The following CPNE3 variants were observed in gnomAD, a reference collection of about 807,000 sequenced individuals.
The protein encoded by CPNE3 is copine-3.
Under a neutral mutation model 63.9 loss-of-function variants are expected in CPNE3, and 68 were observed. That is an observed-to-expected ratio of 1.06 (90% confidence interval 0.87 to 1.30). CPNE3 has a LOEUF of 1.30. Among genes scored for constraint, CPNE3 ranks in the 50% most tolerant of loss-of-function variants. The probability of loss-of-function intolerance (pLI) is 0.00; values close to 1 mark genes in which losing one functional copy is unlikely to be tolerated. For missense variants in CPNE3, 665 were observed against 578.1 expected (o/e 1.15, Z -1.54); for synonymous variants, 219 against 197.5 (o/e 1.11, Z -0.91).
intron 5 of CPNE3, among the ~76,000 whole-genome samples, chr8:86,532,056 A>G (rs1288379117): frequency 6.6e-6 from 1 of 152,216 alleles, no homozygotes; most frequent in Non-Finnish European, 1.5e-5. Context: ...GTTGTAGGGC[A>G]TGATAGACTG....
At chr8:86,517,262 G>A (rs1259827820) in intron 2 of CPNE3, among the ~76,000 whole-genome samples, 2 of 152,004 alleles carry the variant, frequency 1.3e-5, no homozygotes, top group African/African-American at 4.8e-5. Flanking sequence ...TAGGTGGATA[G>A]CATATTAGTA....
intron 2 of CPNE3, among the ~76,000 whole-genome samples, chr8:86,522,307 C>T (rs531174890): frequency 2.0e-5 from 3 of 152,106 alleles, no homozygotes; most frequent in Non-Finnish European, 2.9e-5. Flanking sequence ...TTGCCTCCCC[C>T]AACCCTCACT....
intron 2 of CPNE3, among the ~76,000 whole-genome samples, chr8:86,518,702 T>TA (rs1419577889): frequency 1.3e-5 from 2 of 152,232 alleles, no homozygotes; most frequent in Non-Finnish European, 2.9e-5. Context: ...TTTAACTTTT[T>TA]AACTTTAATT....
intron 9 of CPNE3, among the ~76,000 whole-genome samples, chr8:86,545,992 A>G: frequency 6.6e-6 from 1 of 152,150 alleles, no homozygotes; most frequent in South Asian, 2.1e-4. Flanking sequence ...GCCAAGCCCT[A>G]AAGATGGATA....
At position 86,558,288 on chromosome 8, in the gene CPNE3, G is replaced by C; in HGVS notation, c.1492G>C (p.Ala498Pro). 2.3e-6 allele frequency: 2 copies of C among 872,850 alleles called. No individual in the cohort carries two copies. The allele number at this position is 872,850 out of a possible 1,614,324, so 54.1% of individuals were successfully genotyped here. A position where few individuals can be genotyped will look rare whatever the true frequency, so the allele number is the denominator to read the frequency against. The part of the protein sequence containing the change: ...QFVPFRQFQN[A>P]PKEALAQCVL... ...TCACTTTTATTTTGTTTTTCACAAG[G>C]CTCCAAAAGAAGCACTTGCTCAGTG... The change falls in exon 17 of 17, where the codon GCT becomes CCT. Residue 498 changes from alanine to proline, a missense_variant and splice_region_variant. By Grantham distance (27) the Ala-to-Pro change is conservative (BLOSUM62 -1). Coordinates refer to ENST00000517490, the MANE Select transcript of CPNE3 (RefSeq NM_003909.5).
chr8:86,526,801 C>T (rs1820550769), intron 2 of CPNE3, among the ~76,000 whole-genome samples: 1 of 152,140 alleles, frequency 6.6e-6, no homozygotes, highest in Non-Finnish European at 1.5e-5. Context: ...TGTGAGCTGC[C>T]GTGCCCGGCC....
chr8:86,534,015 A>T (rs1039584939), intron 6 of CPNE3, among the ~76,000 whole-genome samples: 2 of 152,096 alleles, frequency 1.3e-5, no homozygotes, highest in South Asian at 4.2e-4. Flanking sequence ...AGTCCCAGCT[A>T]CTCAGGAGAC....
intron 15 of CPNE3, among the ~76,000 whole-genome samples, chr8:86,555,469 A>G (rs1003907170): frequency 2.6e-5 from 4 of 152,226 alleles, no homozygotes; most frequent in African/African-American, 9.6e-5. Context: ...TAGATAATTC[A>G]TATAAAGTAC....
chr8:86,546,113 T>A (rs1351590872), intron 9 of CPNE3, among the ~76,000 whole-genome samples: 1 of 152,150 alleles, frequency 6.6e-6, no homozygotes, highest in Non-Finnish European at 1.5e-5. Flanking sequence ...AGAAGATCTT[T>A]GATGCATATT....
chr8:86,558,398 A>G lies in CPNE3; in HGVS notation c.1602A>G (p.Gln534=). The change falls in exon 17 of 17, where the codon CAA becomes CAG. Residue 534 remains glutamine, a synonymous_variant. Transcript: ENST00000517490. ...CTCCCAAGAACCCAGCCACGAAACA[A>G]CAGAAGCAGTGACCACTTCAACAGA... The part of the protein sequence containing the change: ...LLPPKNPATK[Q]QKQ The G allele has an allele frequency of 2.3e-6, 2 of 872,964 alleles. No individual in the cohort carries two copies. Among genetic ancestry groups the G allele is most frequent in the East Asian group, 2.4e-5 (1 of 41,694 alleles). The allele number at this position is 872,964 out of a possible 1,614,324, so 54.1% of individuals were successfully genotyped here. A position where few individuals can be genotyped will look rare whatever the true frequency, so the allele number is the denominator to read the frequency against.
intron 2 of CPNE3, among the ~76,000 whole-genome samples, chr8:86,520,872 C>T (rs1311003001): frequency 6.6e-6 from 1 of 152,022 alleles, no homozygotes; most frequent in Non-Finnish European, 1.5e-5. Context: ...AGGCTGGTCT[C>T]AAACTCCTGA....
Position 86,559,449 on chromosome 8 carries a change from C to T in CPNE3, c.*1039C>T, listed in dbSNP as rs1490467329. On this transcript the variant is annotated 3_prime_UTR_variant, in exon 17 of 17. Coordinates refer to ENST00000517490, the MANE Select transcript of CPNE3 (RefSeq NM_003909.5). ...TTCTCCTTTTTTTAAGAACCATTTT[C>T]ATCTGATTTTTAAACTCACGATACC... 2 of 152,070 alleles carry T rather than the reference C, an allele frequency of 1.3e-5. No individual in the cohort carries two copies. Among genetic ancestry groups the T allele is most frequent in the Non-Finnish European group, 2.9e-5 (2 of 68,014 alleles). The allele number at this position is 152,070 out of a possible 1,614,324, so 9.4% of individuals were successfully genotyped here. A position where few individuals can be genotyped will look rare whatever the true frequency, so the allele number is the denominator to read the frequency against.
At chr8:86,526,427 A>G (rs1040357774) in intron 2 of CPNE3, among the ~76,000 whole-genome samples, 20 of 152,144 alleles carry the variant, frequency 1.3e-4, no homozygotes, top group Non-Finnish European at 2.1e-4. Flanking sequence ...CTAGAGGCAG[A>G]TAGTGATAAA....
chr8:86,555,077 A>C (rs3816240), intron 15 of CPNE3, 93 bp downstream of exon 15: 1,083,667 of 1,543,934 alleles, frequency 0.7, 389,415 homozygotes, highest in Non-Finnish European at 0.74. Context: ...CATAATACAA[A>C]GTCAGGGCAA....
At chr8:86,540,845 A>G (rs769258282) in intron 8 of CPNE3, among the ~76,000 whole-genome samples, 4 of 152,218 alleles carry the variant, frequency 2.6e-5, no homozygotes, top group Non-Finnish European at 2.9e-5. Flanking sequence ...TTAGAGTATC[A>G]GGGAAGTGGA....
intron 12 of CPNE3, 124 bp downstream of exon 12, chr8:86,548,558 C>T (rs1821105646): frequency 8.3e-7 from 1 of 1,207,374 alleles, no homozygotes; most frequent in Non-Finnish European, 1.2e-6. Flanking sequence ...CCTAAAATCC[C>T]CCCGTCTTAT....
chr8:86,551,002 T>A, intron 12 of CPNE3, 44 bp from the exon 13 acceptor site: 1 of 1,502,334 alleles, frequency 6.7e-7, no homozygotes, highest in Non-Finnish European at 8.9e-7. Flanking sequence ...AAGCTTTTTA[T>A]TTTGGAAAAA....
chr8:86,557,418 G>C (rs1161900576), intron 16 of CPNE3, among the ~76,000 whole-genome samples: 1 of 152,192 alleles, frequency 6.6e-6, no homozygotes, highest in Admixed American at 6.5e-5. Flanking sequence ...TTACAGCCGT[G>C]TGCCACCGCA....
chr8:86,515,343 G>A (rs1820270630), intron 1 of CPNE3, 119 bp from the exon 2 acceptor site: 1 of 152,218 alleles, frequency 6.6e-6, no homozygotes, highest in African/African-American at 2.4e-5. Flanking sequence ...GGGCGGGATT[G>A]AATATTGTGA....
Sources: allele counts gnomAD v4.1 joint callset (sites outside exome capture counted in the v4.1 genomes callset), GRCh38; gene constraint gnomAD v4.1.1; transcripts MANE v1.5; gene names NCBI Gene and HGNC (gene_info 2026-07-23, HGNC 2026-07-21).